The following SLC6A4 variants were observed in gnomAD, a reference collection of about 807,000 sequenced individuals.
SLC6A4 encodes solute carrier family 6 member 4.
A neutral mutation model predicts 73.4 loss-of-function variants in SLC6A4; 22 were observed. That is an observed-to-expected ratio of 0.30 (90% CI 0.21 to 0.43). The LOEUF (loss-of-function observed/expected upper bound fraction) is 0.43. Among genes scored for constraint, SLC6A4 ranks in the 20% least tolerant of loss-of-function variants. The pLI is 1.00. For synonymous variants in SLC6A4, 270 were observed against 315.5 expected (o/e 0.86, Z 1.53); for missense variants, 593 against 808.5 (o/e 0.73, Z 3.23).
chr17:30,230,071 AGAAGAAGAAGAAGAAGAAGAAGAAGAG>A (rs1362063423), intron 1 of SLC6A4, among the ~76,000 whole-genome samples: 2 of 114,158 alleles, frequency 1.8e-5, no homozygotes, highest in South Asian at 2.5e-4. Context: ...AAGAAGAAGA[AGAAGAAGAAGAAGAAGAAGAAGAAGAG>A]GAGGAAGAGG....
At chr17:30,234,191 G>GTA (rs939728184) in intron 1 of SLC6A4, among the ~76,000 whole-genome samples, 9 of 151,692 alleles carry the variant, frequency 5.9e-5, no homozygotes, top group East Asian at 1.9e-4. Flanking sequence ...CCCACTCCTA[G>GTA]TATATATATA....
At chr17:30,216,034 G>A (rs765443767) in intron 7 of SLC6A4, 48 bp downstream of exon 7, 37 of 1,573,118 alleles carry the variant, frequency 2.4e-5, no homozygotes, top group East Asian at 1.6e-4. Context: ...GACCAGCTTC[G>A]TTTAGTAAAA....
At chr17:30,224,840 C>T (rs4251417) in intron 1 of SLC6A4, among the ~76,000 whole-genome samples, 10,135 of 152,098 alleles carry the variant, frequency 0.067, 466 homozygotes, top group Non-Finnish European at 0.1. Flanking sequence ...TTGAGGGCAA[C>T]GTGTGTTCTC....
At chr17:30,212,335 T>C (rs1378657244) in intron 9 of SLC6A4, among the ~76,000 whole-genome samples, 2 of 152,244 alleles carry the variant, frequency 1.3e-5, no homozygotes, top group African/African-American at 4.8e-5. Context: ...TGTCCCTGCA[T>C]GGCCTGAACA....
chr17:30,194,385 A>G lies in SLC6A4; in HGVS notation c.*4071T>C, dbSNP rs201183863. The stretch of plus-strand genomic sequence containing the variant: ...TGAAATATTTATAAACACTGCATAA[A>G]TGAATACAAGGGCACTGTATGAATT... On this transcript the variant is annotated 3_prime_UTR_variant, in exon 15 of 15. Transcript: ENST00000650711. 1 of 152,148 alleles carries G rather than the reference A, an allele frequency of 6.6e-6. No homozygotes were observed. The highest frequency in any genetic ancestry group is 1.5e-5 in the Non-Finnish European group (1 of 68,010). 9.4% of individuals were successfully genotyped at this position (152,148 alleles called of 1,614,324 possible).
chr17:30,210,656 A>G lies in SLC6A4; in HGVS notation c.1318-10T>C. The G allele has an allele frequency of 6.2e-7, 1 of 1,609,304 alleles. No homozygotes were observed. ...CCTCCAAGCCTGCAAACTGAGAGGTACAGGCAAGCAGTCACGGTGGAGGCT... is the reference window on the plus strand; with the variant it reads ...CCTCCAAGCCTGCAAACTGAGAGGTGCAGGCAAGCAGTCACGGTGGAGGCT... On this transcript the variant is annotated splice_polypyrimidine_tract_variant and intron_variant, in intron 10 of 14. Coordinates refer to ENST00000650711, the MANE Select transcript of SLC6A4 (RefSeq NM_001045.6).
At position 30,218,651 on chromosome 17, in the gene SLC6A4, C is replaced by T. The variant is rs1472476984; in HGVS notation, c.478+146G>A. ...CTTTGACAATTTCACACCACTTACG[C>T]AGTCAAAACCTTAATTACTCAAGCA... On this transcript the variant is annotated intron_variant, in intron 4 of 14. Transcript: ENST00000650711. 19 of 789,688 alleles carry T rather than the reference C, an allele frequency of 2.4e-5. No homozygotes were observed. The South Asian group carries it at 2.5e-4, about 10-fold the overall frequency. The allele number at this position is 789,688 out of a possible 1,614,324, so 48.9% of individuals were successfully genotyped here.
At chr17:30,204,591 G>C (rs991526877) in intron 13 of SLC6A4, 1 of 152,122 alleles carries the variant, frequency 6.6e-6, no homozygotes, top group Non-Finnish European at 1.5e-5. Flanking sequence ...TGGGGCAAGT[G>C]CTACTTCAGA....
chr17:30,206,719 T>TTTTC (rs1906214930), intron 13 of SLC6A4, among the ~76,000 whole-genome samples: 1 of 136,978 alleles, frequency 7.3e-6, no homozygotes. Context: ...TTTCTTTTTT[T>TTTTC]TTTTTTTTTT....
intron 1 of SLC6A4, among the ~76,000 whole-genome samples, chr17:30,224,087 T>C (rs1906854111): frequency 6.6e-6 from 1 of 152,338 alleles, no homozygotes; most frequent in East Asian, 1.9e-4. Flanking sequence ...ATCAATGACA[T>C]GTTTTGTACG....
chr17:30,232,912 G>A (rs1413295654), intron 1 of SLC6A4, among the ~76,000 whole-genome samples: 1 of 152,196 alleles, frequency 6.6e-6, no homozygotes, highest in African/African-American at 2.4e-5. Flanking sequence ...CTGGAAGTAC[G>A]GGGCTGTGCA....
chr17:30,201,334 G>A (rs984753249), intron 14 of SLC6A4, among the ~76,000 whole-genome samples: 27 of 152,106 alleles, frequency 1.8e-4, no homozygotes, highest in African/African-American at 6.5e-4. Flanking sequence ...CGGGTAACCC[G>A]CTGCTCCCCA....
Position 30,218,843 on chromosome 17 carries a change from TC to T in SLC6A4, c.431del (p.Arg144GlnfsTer118). ...YMELALGQYH[R>X]NGCISIWRKI... The stretch of plus-strand genomic sequence containing the variant: ...TCCTCCATATTGAAATGCATCCATT[TC>T]GGTGGTACTGTCCCAGTGCGAGCTC... On this transcript the variant is annotated frameshift_variant, in exon 4 of 15. Transcript: ENST00000650711. LOFTEE classifies it high-confidence loss of function. 1 of 1,614,028 alleles carries T rather than the reference TC, an allele frequency of 6.2e-7. No homozygotes were observed. The highest frequency in any genetic ancestry group is 8.5e-7 in the Non-Finnish European group (1 of 1,180,004).
Position 30,196,925 on chromosome 17 carries a change from A to C in SLC6A4, c.*1531T>G, listed in dbSNP as rs541971891. ...GGGGAAAGGAGGCCAAGGGAGGAAA[A>C]CCTAGAATTGGACAGGATGTTTCCT... On this transcript the variant is annotated 3_prime_UTR_variant, in exon 15 of 15. Transcript: ENST00000650711. The C allele has an allele frequency of 6.6e-6, 1 of 152,268 alleles. No homozygotes were observed. Among genetic ancestry groups the C allele is most frequent in the Non-Finnish European group, 1.5e-5 (1 of 68,024 alleles). The allele number at this position is 152,268 out of a possible 1,614,324, so 9.4% of individuals were successfully genotyped here.
rs771228274 is a variant in SLC6A4 at position 30,203,313 on chromosome 17, G to T, written c.1677C>A (p.Ser559Arg). The change falls in exon 14 of 15, where the codon AGC becomes AGA. Residue 559 changes from serine to arginine, a missense_variant. Physicochemically the swap from Ser to Arg is moderately radical, Grantham distance 110. Transcript: ENST00000650711. ...ATTGGAAAAGTCGTAGTTGTGGCGG[G>T]CTCATCAGAAAACTGCAAATGATGA... ...LLFIICSFLM[S>R]PPQLRLFQYN... The T allele has an allele frequency of 6.2e-7, 1 of 1,613,886 alleles. No homozygotes were observed. Among genetic ancestry groups the T allele is most frequent in the Non-Finnish European group, 8.5e-7 (1 of 1,179,886 alleles).
rs1164551017 is a variant in SLC6A4 at position 30,194,657 on chromosome 17, A to G, written c.*3799T>C. ...TAATTTTAGAGTGTAAATAAGAATA[A>G]TCTTTCAAAATGCCATTTAAAAAAT... is the stretch of plus-strand genomic sequence containing the variant. On this transcript the variant is annotated 3_prime_UTR_variant, in exon 15 of 15. Transcript: ENST00000650711. 2.0e-5 allele frequency: 3 copies of G among 152,298 alleles called. No individual in the cohort carries two copies. Among genetic ancestry groups the G allele is most frequent in the African/African-American group, 4.8e-5 (2 of 41,568 alleles). 9.4% of individuals were successfully genotyped at this position (152,298 alleles called of 1,614,324 possible). A position where few individuals can be genotyped will look rare whatever the true frequency, so the allele number is the denominator to read the frequency against.
At chr17:30,205,110 C>T (rs1906151187) in intron 13 of SLC6A4, among the ~76,000 whole-genome samples, 1 of 152,188 alleles carries the variant, frequency 6.6e-6, no homozygotes, top group African/African-American at 2.4e-5. Context: ...TGTACAAGTA[C>T]AGGGCTGGCT....
intron 1 of SLC6A4, among the ~76,000 whole-genome samples, chr17:30,231,796 C>G (rs1597648002): frequency 6.6e-6 from 1 of 152,364 alleles, no homozygotes; most frequent in Non-Finnish European, 1.5e-5. Flanking sequence ...CCCCTCCAGG[C>G]TCTTCCCTCC....
chr17:30,216,113 T>C lies in SLC6A4; in HGVS notation c.941A>G (p.Lys314Arg). The C allele has an allele frequency of 6.2e-7, 1 of 1,613,236 alleles. No individual in the cohort carries two copies. Among genetic ancestry groups the C allele is most frequent in the Non-Finnish European group, 8.5e-7 (1 of 1,179,690 alleles). Residue 314 changes from lysine to arginine, a missense_variant, in exon 7 of 15, where the codon AAA (lysine) becomes AGA (arginine). By Grantham distance (26) the Lys-to-Arg change is conservative. Coordinates refer to ENST00000650711, the MANE Select transcript of SLC6A4 (RefSeq NM_001045.6). ...CTCCAGGAGTTTCTGCCAATTGGGT[T>C]TCAAGTAGAAGAGAACACCCCTCCA... ...GAWRGVLFYL[K>R]PNWQKLLETG...
Sources: gnomAD v4.1 joint callset for allele counts (sites outside exome capture counted in the v4.1 genomes callset) on GRCh38, gnomAD v4.1.1 for gene constraint, MANE v1.5 for transcripts, NCBI Gene and HGNC (gene_info 2026-07-23, HGNC 2026-07-21) for gene names.